Variants in ATAD5 observed in about 807,000 individuals in gnomAD.
The protein encoded by ATAD5 is ATPase family AAA domain-containing protein 5.
ATAD5 carries 58 observed loss-of-function variants against 176.9 expected under a neutral mutation model. The ratio of observed to expected loss-of-function variants is 0.33; its 90% confidence interval spans 0.27 to 0.41. The LOEUF (loss-of-function observed/expected upper bound fraction) is 0.41. ATAD5 is among the 10% of genes least tolerant of loss of function. ATAD5 has a pLI of 1.00. For missense variants in ATAD5, 1,789 were observed against 2,094.1 expected, an observed-to-expected ratio of 0.85 and a Z score of 2.84; for synonymous variants, 640 against 712.6, an observed-to-expected ratio of 0.90 and a Z score of 1.62.
Position 30,840,754 on chromosome 17 carries a change from T to G in ATAD5, c.2214T>G (p.Pro738=), listed in dbSNP as rs1340668544. 1 of 1,604,148 alleles carries G rather than the reference T, an allele frequency of 6.2e-7. No individual in the cohort carries two copies. The highest frequency in any genetic ancestry group is 8.5e-7 in the Non-Finnish European group (1 of 1,177,290). Residue 738 remains proline (P), a synonymous_variant, in exon 4 of 23, where the codon CCT becomes CCG. Transcript: ENST00000321990. ...GCTCCTCTAGACATCAGACACTTCC[T>G]GAAAGGAAGAAATTGTCAGAAACAG... ...LRRSSRHQTL[P]ERKKLSETED... is the part of the protein sequence containing the mutation.
chr17:30,878,894 G>A (rs1373617390), intron 17 of ATAD5, among the ~76,000 whole-genome samples: 1 of 151,816 alleles, frequency 6.6e-6, no homozygotes, highest in Admixed American at 6.6e-5. Context: ...ACCACGCCCA[G>A]CTAATTTTTG....
In ATAD5 at chr17:30,887,265, C is replaced by G; in HGVS notation, c.4151C>G (p.Thr1384Ser). ...NFRTDVKDFVTLLTANTCDIR... is the reference protein window; with the variant it reads ...NFRTDVKDFVSLLTANTCDIR... Reference sequence around the variant, plus strand: ...AGAACTGATGTAAAAGACTTTGTAACCTTGTTAACTGCAAATACTTGTGAT... The same window carrying G: ...AGAACTGATGTAAAAGACTTTGTAAGCTTGTTAACTGCAAATACTTGTGAT... Residue 1384 changes from threonine to serine, a missense_variant, in exon 19 of 23, where the codon ACC becomes AGC. By Grantham distance (58) the Thr-to-Ser change is moderately conservative. Around this residue, in one of 6 missense-constraint regions of ATAD5, gnomAD observed 194 missense variants for 270.1 expected, o/e 0.72. Transcript: ENST00000321990. 6.2e-7 allele frequency: 1 copy of G among 1,607,688 alleles called. No individual in the cohort carries two copies. The highest frequency in any genetic ancestry group is 8.5e-7 in the Non-Finnish European group (1 of 1,177,526).
At position 30,835,868 on chromosome 17, in the gene ATAD5, G is replaced by C. The variant is rs1010636199; in HGVS notation, c.1787G>C (p.Arg596Thr). Residue 596 changes from arginine (R) to threonine (T), a missense_variant, in exon 2 of 23, where the codon AGA becomes ACA. By Grantham distance (71) the Arg-to-Thr change is moderately conservative. Transcript: ENST00000321990. ...GTTTCCACGCCCAAGTCAACTAGAAGATCTGGAAGAATTAGCAGCACACCT... is the reference window on the plus strand; with the variant it reads ...GTTTCCACGCCCAAGTCAACTAGAACATCTGGAAGAATTAGCAGCACACCT... Reference protein sequence around the residue: ...LNVSTPKSTRRSGRISSTPTT... With the variant: ...LNVSTPKSTRTSGRISSTPTT... The C allele has an allele frequency of 1.2e-6, 2 of 1,614,072 alleles. No homozygotes were observed. The highest frequency in any genetic ancestry group is 1.7e-5 in the Admixed American group (1 of 59,998).
chr17:30,858,489 G>A (rs949262773), intron 9 of ATAD5, among the ~76,000 whole-genome samples, 166 bp downstream of exon 9: 2 of 152,076 alleles, frequency 1.3e-5, no homozygotes, highest in African/African-American at 2.4e-5. Context: ...GGGTTCAAGT[G>A]ATTCTCCTGC....
chr17:30,888,882 A>G (rs1475025161), intron 19 of ATAD5, among the ~76,000 whole-genome samples: 2 of 152,030 alleles, frequency 1.3e-5, no homozygotes, highest in South Asian at 2.1e-4. Flanking sequence ...CCTGGCCAAC[A>G]TGGTGAAACC....
chr17:30,847,278 C>T (rs1158051221), intron 6 of ATAD5, among the ~76,000 whole-genome samples: 1 of 151,660 alleles, frequency 6.6e-6, no homozygotes, highest in African/African-American at 2.4e-5. Context: ...GTTGTCTGTT[C>T]TTTTTCGTAG....
At chr17:30,877,767 T>G (rs1234995988) in intron 16 of ATAD5, among the ~76,000 whole-genome samples, 1 of 152,218 alleles carries the variant, frequency 6.6e-6, no homozygotes. Flanking sequence ...TAAATGATTG[T>G]ATAAATTATT....
intron 11 of ATAD5, among the ~76,000 whole-genome samples, 160 bp downstream of exon 11, chr17:30,865,960 C>A (rs143249711): frequency 6.6e-6 from 1 of 152,016 alleles, no homozygotes; most frequent in East Asian, 1.9e-4. Flanking sequence ...TACATTTCTA[C>A]TTCTCAGAGA....
At chr17:30,852,734 G>C (rs1289765808) in intron 6 of ATAD5, among the ~76,000 whole-genome samples, 3 of 151,918 alleles carry the variant, frequency 2.0e-5, no homozygotes, top group Admixed American at 6.6e-5. Context: ...GAGAGGAGGA[G>C]GTACCAGCCT....
Position 30,843,941 on chromosome 17 carries a change from C to T in ATAD5, c.2270C>T (p.Pro757Leu). The change falls in exon 5 of 23, where the codon CCT becomes CTT. Residue 757 changes from proline (P) to leucine (L), a missense_variant. This residue lies in a region of ATAD5 where 487 missense variants were observed against 573.6 expected (regional missense o/e 0.85). Transcript: ENST00000321990. Reference sequence around the variant, plus strand: ...TCTGTTATAATAATAGATTCAAGTCCTACTGCTTTAAAGCATCCAGAGAAA... The same window carrying T: ...TCTGTTATAATAATAGATTCAAGTCTTACTGCTTTAAAGCATCCAGAGAAA... ...EDSVIIIDSSPTALKHPEKNQ... is the reference protein window; with the variant it reads ...EDSVIIIDSSLTALKHPEKNQ... 1 of 1,463,996 alleles carries T rather than the reference C, an allele frequency of 6.8e-7. No homozygotes were observed. The highest frequency in any genetic ancestry group is 1.3e-5 in the South Asian group (1 of 76,344). 90.7% of individuals were successfully genotyped at this position (1,463,996 alleles called of 1,614,324 possible). A position where few individuals can be genotyped will look rare whatever the true frequency, so the allele number is the denominator to read the frequency against.
At chr17:30,890,371 G>A (rs1909567144) in intron 19 of ATAD5, among the ~76,000 whole-genome samples, 1 of 148,388 alleles carries the variant, frequency 6.7e-6, no homozygotes, top group Admixed American at 6.7e-5. Context: ...AGAAACTTTA[G>A]AAGACACAAA....
intron 11 of ATAD5, 54 bp from the exon 12 acceptor site, chr17:30,868,279 T>C: frequency 7.1e-7 from 1 of 1,416,988 alleles, no homozygotes; most frequent in Non-Finnish European, 9.5e-7. Context: ...TAACATAAAG[T>C]CTAAGGCATA....
At chr17:30,850,475 C>G (rs2142343371) in intron 6 of ATAD5, among the ~76,000 whole-genome samples, 1 of 151,674 alleles carries the variant, frequency 6.6e-6, no homozygotes, top group African/African-American at 2.4e-5. Flanking sequence ...ATCCTGCCAT[C>G]TCAGCCCCTC....
chr17:30,851,132 A>T (rs1006038840), intron 6 of ATAD5, among the ~76,000 whole-genome samples: 1 of 144,566 alleles, frequency 6.9e-6, no homozygotes, highest in Non-Finnish European at 1.5e-5. Context: ...CAGGTAATCC[A>T]CCTGCCTCGG....
chr17:30,876,313 G>A (rs2142415157), intron 14 of ATAD5, 61 bp from the exon 15 acceptor site: 1 of 1,433,216 alleles, frequency 7.0e-7, no homozygotes, highest in South Asian at 1.4e-5. Context: ...GTGGCTAACT[G>A]TCTTGCTACC....
At chr17:30,893,196 T>C in intron 20 of ATAD5, 98 bp from the exon 21 acceptor site, 1 of 1,298,980 alleles carries the variant, frequency 7.7e-7, no homozygotes, top group Non-Finnish European at 1.0e-6. Flanking sequence ...ACTCAGTACT[T>C]TGAATTTAGA....
intron 6 of ATAD5, among the ~76,000 whole-genome samples, chr17:30,846,681 G>A (rs1055673815): frequency 8.0e-5 from 12 of 150,906 alleles, no homozygotes; most frequent in Non-Finnish European, 1.2e-4. Flanking sequence ...GATTATAGGC[G>A]TGAGCCACCG....
chr17:30,890,345 A>G (rs576006775), intron 19 of ATAD5, among the ~76,000 whole-genome samples: 6 of 152,256 alleles, frequency 3.9e-5, no homozygotes, highest in African/African-American at 1.4e-4. Context: ...ACCACTAGAT[A>G]TAAATTGTTA....
At chr17:30,866,051 G>A (rs1051834332) in intron 11 of ATAD5, among the ~76,000 whole-genome samples, 1 of 151,776 alleles carries the variant, frequency 6.6e-6, no homozygotes, top group Non-Finnish European at 1.5e-5. Flanking sequence ...TAACAAATGG[G>A]ATCACATTAC....
Sources: allele counts gnomAD v4.1 joint callset (sites outside exome capture counted in the v4.1 genomes callset), GRCh38; gene constraint gnomAD v4.1.1; regional missense constraint gnomAD v4.1.1; transcripts MANE v1.5; gene names NCBI Gene and HGNC (gene_info 2026-07-23, HGNC 2026-07-21).